Variants in PCSK5 observed in about 807,000 individuals in gnomAD.
PCSK5 encodes the protein prohormone convertase 5.
PCSK5 carries 129 observed loss-of-function variants against 233.2 expected under a neutral mutation model. The observed-to-expected ratio is 0.55, with a 90% CI of 0.48 to 0.64. PCSK5 has a LOEUF of 0.64. Ranked by LOEUF, PCSK5 falls within the 30% of genes least tolerant of loss-of-function variation. The pLI is 0.00. For synonymous variants in PCSK5, 825 were observed against 879.2 expected (o/e 0.94, Z 1.09); for missense variants, 2,076 against 2,430.1 (o/e 0.85, Z 3.06).
intron 16 of PCSK5, among the ~76,000 whole-genome samples, chr9:76,184,326 G>A (rs1824003193): frequency 6.6e-6 from 1 of 152,096 alleles, no homozygotes; most frequent in South Asian, 2.1e-4. Flanking sequence ...AGCTTCATGA[G>A]GGGGATTTGC....
chr9:76,154,433 C>A (rs10746993), intron 10 of PCSK5, among the ~76,000 whole-genome samples: 114,055 of 152,026 alleles, frequency 0.75, 43,270 homozygotes, highest in East Asian at 1. Flanking sequence ...GTGGACAGTT[C>A]TGGAGGAGGG....
intron 24 of PCSK5, among the ~76,000 whole-genome samples, chr9:76,253,639 T>C (rs920829459): frequency 6.6e-6 from 1 of 152,238 alleles, no homozygotes; most frequent in Admixed American, 6.5e-5. Context: ...TTATTCCACA[T>C]ATAATAGGAC....
At chr9:75,949,170 T>G (rs973171417) in intron 2 of PCSK5, among the ~76,000 whole-genome samples, 3 of 151,266 alleles carry the variant, frequency 2.0e-5, no homozygotes, top group Admixed American at 6.6e-5. Context: ...ATTGAAGTGT[T>G]TATTTGTTGC....
intron 32 of PCSK5, 149 bp from the exon 33 acceptor site, chr9:76,327,860 C>G (rs1467246558): frequency 7.4e-6 from 5 of 675,834 alleles, no homozygotes; most frequent in Non-Finnish European, 1.3e-5. Flanking sequence ...CTGTACTCAA[C>G]TCATGGCCCC....
chr9:76,014,355 G>T (rs188543966), intron 3 of PCSK5, among the ~76,000 whole-genome samples: 7 of 152,200 alleles, frequency 4.6e-5, no homozygotes, highest in Admixed American at 3.3e-4. Context: ...AAGCAAACAC[G>T]ATTAACTAAT....
At chr9:75,943,890 G>A (rs1824437358) in intron 2 of PCSK5, among the ~76,000 whole-genome samples, 1 of 152,176 alleles carries the variant, frequency 6.6e-6, no homozygotes, top group Non-Finnish European at 1.5e-5. Flanking sequence ...GCCGAGTGTG[G>A]TGGCTCATGC....
At chr9:76,105,827 T>A (rs886232564) in intron 8 of PCSK5, among the ~76,000 whole-genome samples, 3 of 152,224 alleles carry the variant, frequency 2.0e-5, no homozygotes, top group Non-Finnish European at 4.4e-5. Context: ...AATCTGGTAA[T>A]GTTAGAGTTG....
chr9:76,157,520 A>G (rs1168893754), intron 11 of PCSK5, among the ~76,000 whole-genome samples: 1 of 149,912 alleles, frequency 6.7e-6, no homozygotes, highest in East Asian at 1.9e-4. Flanking sequence ...TTATCCAAAG[A>G]GTGGTACAAA....
rs553205127 is a variant in PCSK5, at chr9:76,342,216, A to G, written c.4966+3769A>G. On this transcript the variant is annotated intron_variant, in intron 35 of 37. Coordinates refer to ENST00000674117, the MANE Select transcript of PCSK5 (RefSeq NM_001372043.1). Reference sequence around the variant, plus strand: ...CTTATAAAATATTTTTTTAATGCATATGTGTCACTAATGGATAATCAGATT... The same window carrying G: ...CTTATAAAATATTTTTTTAATGCATGTGTGTCACTAATGGATAATCAGATT... Among the ~76,000 whole-genome samples the G allele has an allele frequency of 1.2e-3, 176 of 152,292 alleles. 4 individuals are homozygous for G. In the South Asian group the frequency reaches 0.035, roughly 31 times the overall value.
chr9:76,288,204 T>A (rs920610566), intron 24 of PCSK5: 1 of 152,218 alleles, frequency 6.6e-6, no homozygotes, highest in East Asian at 1.9e-4. Flanking sequence ...TGACAGTATG[T>A]GATTCTCCTT....
intron 7 of PCSK5, among the ~76,000 whole-genome samples, chr9:76,079,399 A>G (rs941050536): frequency 6.6e-6 from 1 of 152,006 alleles, no homozygotes; most frequent in African/African-American, 2.4e-5. Flanking sequence ...TTGGCCTCCC[A>G]AGTGCTGGGA....
chr9:76,130,695 T>A (rs1822729046), intron 9 of PCSK5, among the ~76,000 whole-genome samples: 1 of 152,158 alleles, frequency 6.6e-6, no homozygotes, highest in Non-Finnish European at 1.5e-5. Context: ...GAGAAAGTCA[T>A]GTTCATTTCC....
intron 3 of PCSK5, among the ~76,000 whole-genome samples, chr9:75,994,392 CTTTCTTTCTTTTTTTTTTTT>C (rs1826906526): frequency 3.7e-5 from 1 of 26,720 alleles, no homozygotes; most frequent in African/African-American, 1.0e-4. Flanking sequence ...TCTTTTCTTT[CTTTCTTTCTTTTTTTTTTTT>C]TTTTTTTTTT....
chr9:76,032,468 A>G (rs1467155082), intron 5 of PCSK5, among the ~76,000 whole-genome samples: 2 of 152,180 alleles, frequency 1.3e-5, no homozygotes, highest in African/African-American at 2.4e-5. Context: ...GCATGATTAC[A>G]TTTCTAGTGC....
At chr9:76,109,171 A>G (rs563883498) in intron 9 of PCSK5, among the ~76,000 whole-genome samples, 31 of 152,334 alleles carry the variant, frequency 2.0e-4, no homozygotes, top group African/African-American at 7.5e-4. Flanking sequence ...GGAAGTCTCA[A>G]TTAAGTGTCT....
intron 14 of PCSK5, 58 bp downstream of exon 14, chr9:76,175,187 C>T (rs773812348): frequency 3.5e-6 from 5 of 1,442,534 alleles, no homozygotes; most frequent in Non-Finnish European, 1.9e-6. Flanking sequence ...CATCATCCCA[C>T]CACATGGGAG....
At chr9:76,213,783 A>T (rs1003631764) in intron 20 of PCSK5, among the ~76,000 whole-genome samples, 1 of 151,956 alleles carries the variant, frequency 6.6e-6, no homozygotes, top group Non-Finnish European at 1.5e-5. Context: ...CTCAGTTTCT[A>T]CTTCAGTCAA....
intron 35 of PCSK5, among the ~76,000 whole-genome samples, chr9:76,342,272 C>T (rs758518456): frequency 6.6e-6 from 1 of 152,018 alleles, no homozygotes. Flanking sequence ...TAAATTATTG[C>T]CCAGCCTCAC....
chr9:75,931,946 G>T (rs1420130389), intron 1 of PCSK5, among the ~76,000 whole-genome samples: 1 of 152,196 alleles, frequency 6.6e-6, no homozygotes, highest in African/African-American at 2.4e-5. Flanking sequence ...CAAATTAACT[G>T]TATAAATAAT....
Sources: gnomAD v4.1 joint callset for allele counts (sites outside exome capture counted in the v4.1 genomes callset) on GRCh38, gnomAD v4.1.1 for gene constraint, MANE v1.5 for transcripts, NCBI Gene and HGNC (gene_info 2026-07-23, HGNC 2026-07-21) for gene names.